The following NRG3 variants were observed in gnomAD, a reference collection of about 807,000 sequenced individuals.
NRG3 encodes pro-neuregulin-3, membrane-bound isoform.
Under a neutral mutation model 66.9 loss-of-function variants are expected in NRG3, and 31 were observed. The ratio of observed to expected loss-of-function variants is 0.46; its 90% CI spans 0.35 to 0.63. The LOEUF (loss-of-function observed/expected upper bound fraction) is 0.63. NRG3 is among the 20% of genes least tolerant of loss of function. NRG3 has a pLI of 0.00. For missense variants in NRG3, 910 were observed against 878.9 expected (o/e 1.04, Z -0.45); for synonymous variants, 393 against 359.4 (o/e 1.09, Z -1.06).
chr10:82,600,260 A>C (rs934648367), intron 2 of NRG3, among the ~76,000 whole-genome samples: 7 of 152,230 alleles, frequency 4.6e-5, no homozygotes, highest in African/African-American at 1.7e-4. Flanking sequence ...TCCTGCCAGT[A>C]GTTGTCATTT....
At chr10:82,361,192 T>C in intron 2 of NRG3, among the ~76,000 whole-genome samples, 1 of 152,238 alleles carries the variant, frequency 6.6e-6, no homozygotes, top group East Asian at 1.9e-4. Flanking sequence ...AGCAGATATA[T>C]ACCTATAGTT....
intron 1 of NRG3, among the ~76,000 whole-genome samples, chr10:82,137,124 T>G (rs1056288395): frequency 6.6e-6 from 1 of 152,198 alleles, no homozygotes; most frequent in African/African-American, 2.4e-5. Context: ...GGGTTCTATT[T>G]GGTCATCTTG....
At chr10:82,314,793 G>A (rs2081210588) in intron 1 of NRG3, among the ~76,000 whole-genome samples, 1 of 152,184 alleles carries the variant, frequency 6.6e-6, no homozygotes. Context: ...CTGGGTGACA[G>A]AGCGAGAGTC....
intron 2 of NRG3, among the ~76,000 whole-genome samples, chr10:82,484,115 A>G (rs552833779): frequency 5.3e-5 from 8 of 152,332 alleles, no homozygotes; most frequent in Admixed American, 2.6e-4. Flanking sequence ...GATTTAAAAC[A>G]GGGTCGCATA....
intron 1 of NRG3, among the ~76,000 whole-genome samples, chr10:82,007,066 C>T (rs1292798842): frequency 1.3e-5 from 2 of 151,948 alleles, no homozygotes; most frequent in African/African-American, 4.8e-5. Context: ...AGCTCGTTTG[C>T]TTATGTCTTT....
chr10:82,083,588 T>C (rs569941930), intron 1 of NRG3, among the ~76,000 whole-genome samples: 135 of 127,756 alleles, frequency 1.1e-3, no homozygotes, highest in African/African-American at 3.7e-3. Flanking sequence ...CTTTACACCA[T>C]TTGTTAATTT....
chr10:82,790,698 C>T (rs2060550494), intron 3 of NRG3, among the ~76,000 whole-genome samples: 1 of 151,956 alleles, frequency 6.6e-6, no homozygotes, highest in Non-Finnish European at 1.5e-5. Flanking sequence ...CTAGGACTTC[C>T]ATTATGCATA....
At chr10:82,580,122 A>G (rs1326883038) in intron 2 of NRG3, among the ~76,000 whole-genome samples, 2 of 151,992 alleles carry the variant, frequency 1.3e-5, no homozygotes, top group South Asian at 4.1e-4. Flanking sequence ...AATAGTTGTT[A>G]TACTTCATTA....
chr10:81,892,281 G>A (rs1843082733), intron 1 of NRG3, among the ~76,000 whole-genome samples: 1 of 150,898 alleles, frequency 6.6e-6, no homozygotes, highest in African/African-American at 2.4e-5. Flanking sequence ...TATATGTAGG[G>A]GTATATATAT....
At chr10:82,015,197 T>C (rs985575448) in intron 1 of NRG3, among the ~76,000 whole-genome samples, 5 of 152,172 alleles carry the variant, frequency 3.3e-5, no homozygotes, top group African/African-American at 1.2e-4. Flanking sequence ...AAATTCTTAC[T>C]TGGGTTCTCT....
intron 1 of NRG3, among the ~76,000 whole-genome samples, chr10:82,289,690 A>G (rs1178705919): frequency 6.6e-6 from 1 of 152,142 alleles, no homozygotes; most frequent in Non-Finnish European, 1.5e-5. Flanking sequence ...ACATATTTTC[A>G]TCTTTTCTAC....
chr10:82,613,524 T>C (rs2048439751), intron 2 of NRG3, among the ~76,000 whole-genome samples: 1 of 151,774 alleles, frequency 6.6e-6, no homozygotes, highest in South Asian at 2.1e-4. Context: ...ATAAAATTAA[T>C]ATTTTTAAGC....
At chr10:82,470,822 G>A (rs1012389987) in intron 2 of NRG3, among the ~76,000 whole-genome samples, 2 of 152,136 alleles carry the variant, frequency 1.3e-5, no homozygotes, top group Non-Finnish European at 2.9e-5. Context: ...ACAGTCCTTA[G>A]TTGAAGTGAG....
chr10:82,565,729 G>A (rs2045360133), intron 2 of NRG3, among the ~76,000 whole-genome samples: 2 of 151,966 alleles, frequency 1.3e-5, no homozygotes, highest in African/African-American at 4.8e-5. Context: ...AGATGATTTG[G>A]TTTGGGCCGT....
At chr10:82,390,828 G>A (rs2086311941) in intron 2 of NRG3, among the ~76,000 whole-genome samples, 1 of 152,174 alleles carries the variant, frequency 6.6e-6, no homozygotes, top group South Asian at 2.1e-4. Context: ...CAAGTGCATA[G>A]TGGCAGAAGA....
At chr10:82,206,149 C>A (rs995502643) in intron 1 of NRG3, among the ~76,000 whole-genome samples, 1 of 152,176 alleles carries the variant, frequency 6.6e-6, no homozygotes, top group Admixed American at 6.6e-5. Flanking sequence ...CAAAATACCA[C>A]CTTAATCTCT....
At chr10:82,467,539 C>G (rs1840806007) in intron 2 of NRG3, among the ~76,000 whole-genome samples, 1 of 152,174 alleles carries the variant, frequency 6.6e-6, no homozygotes, top group Non-Finnish European at 1.5e-5. Flanking sequence ...GCTCTATTCC[C>G]TGGTAGCAGA....
At chr10:82,187,634 C>T (rs1278459923) in intron 1 of NRG3, among the ~76,000 whole-genome samples, 2 of 152,090 alleles carry the variant, frequency 1.3e-5, no homozygotes, top group African/African-American at 4.8e-5. Context: ...AGAGAGGCTT[C>T]CTGGTTTGCT....
chr10:82,730,794 G>A (rs941472958), intron 2 of NRG3, among the ~76,000 whole-genome samples: 57 of 152,134 alleles, frequency 3.7e-4, no homozygotes, highest in Admixed American at 2.4e-3. Context: ...CTCAGTTTCC[G>A]TGATGAGTGG....
Sources: gnomAD v4.1 joint callset for allele counts (sites outside exome capture counted in the v4.1 genomes callset) on GRCh38, gnomAD v4.1.1 for gene constraint, MANE v1.5 for transcripts, NCBI Gene and HGNC (gene_info 2026-07-23, HGNC 2026-07-21) for gene names.